The following PRKG1 variants were observed in gnomAD, a reference collection of about 807,000 sequenced individuals.
PRKG1 encodes protein kinase cGMP-dependent 1.
A neutral mutation model predicts 88.1 loss-of-function variants in PRKG1; 35 were observed. The observed-to-expected ratio is 0.40, with a 90% CI of 0.30 to 0.53. PRKG1 has a LOEUF of 0.53. Ranked by LOEUF, PRKG1 falls within the 20% of genes least tolerant of loss-of-function variation. The pLI, the probability that PRKG1 is intolerant of heterozygous loss-of-function variation, is 0.59. For synonymous variants in PRKG1, 303 were observed against 292.5 expected (o/e 1.04, Z -0.37); for missense variants, 540 against 839.8 (o/e 0.64, Z 4.41).
At chr10:51,363,411 T>A (rs1842525891) in intron 2 of PRKG1, among the ~76,000 whole-genome samples, 1 of 151,914 alleles carries the variant, frequency 6.6e-6, no homozygotes, top group Non-Finnish European at 1.5e-5. Context: ...AGATTGTGAA[T>A]ATCAGCTGAT....
At chr10:51,707,281 TTGAC>T (rs1841630621) in intron 3 of PRKG1, among the ~76,000 whole-genome samples, 1 of 152,164 alleles carries the variant, frequency 6.6e-6, no homozygotes, top group Admixed American at 6.6e-5. Context: ...TGCCTGAACT[TTGAC>T]TGTGGAGGAT....
At chr10:51,959,919 G>T (rs1275550580) in intron 5 of PRKG1, among the ~76,000 whole-genome samples, 1 of 152,036 alleles carries the variant, frequency 6.6e-6, no homozygotes, top group Non-Finnish European at 1.5e-5. Context: ...TTCACATTAA[G>T]TATAAACAGA....
At chr10:51,899,671 G>GTGTATATATATA (rs1554853515) in intron 4 of PRKG1, among the ~76,000 whole-genome samples, 1 of 120,408 alleles carries the variant, frequency 8.3e-6, no homozygotes, top group African/African-American at 3.0e-5. Context: ...AAAGAAAAAT[G>GTGTATATATATA]TATATATATA....
At chr10:51,032,978 G>A (rs2132748328) in intron 1 of PRKG1, among the ~76,000 whole-genome samples, 1 of 151,932 alleles carries the variant, frequency 6.6e-6, no homozygotes, top group African/African-American at 2.4e-5. Context: ...CATTCTCTAT[G>A]CCGACGTATC....
intron 9 of PRKG1, among the ~76,000 whole-genome samples, chr10:52,233,915 C>T (rs1480936403): frequency 2.2e-4 from 33 of 151,734 alleles, no homozygotes; most frequent in Admixed American, 5.9e-4. Flanking sequence ...AATGTCCCTG[C>T]CTGACAGCTT....
At chr10:52,012,071 T>C (rs1191097847) in intron 5 of PRKG1, among the ~76,000 whole-genome samples, 2 of 152,152 alleles carry the variant, frequency 1.3e-5, no homozygotes, top group Non-Finnish European at 2.9e-5. Context: ...GCATGAAAAT[T>C]GACTAATACA....
chr10:51,116,841 A>G (rs1275483449), intron 1 of PRKG1, among the ~76,000 whole-genome samples: 2 of 152,300 alleles, frequency 1.3e-5, no homozygotes, highest in East Asian at 3.9e-4. Flanking sequence ...AGAAGATGGC[A>G]TTGCTATCAG....
chr10:51,044,683 T>C (rs1017280262), intron 1 of PRKG1, among the ~76,000 whole-genome samples: 2 of 151,956 alleles, frequency 1.3e-5, no homozygotes, highest in Non-Finnish European at 2.9e-5. Context: ...GTGCCTTGGG[T>C]CCATCACAGA....
chr10:51,078,330 C>T (rs1589136194), intron 1 of PRKG1, among the ~76,000 whole-genome samples: 2 of 151,504 alleles, frequency 1.3e-5, no homozygotes, highest in South Asian at 4.2e-4. Flanking sequence ...GCAACTCTCC[C>T]ATCGCAGCCT....
intron 1 of PRKG1, among the ~76,000 whole-genome samples, chr10:51,037,932 A>G (rs567810968): frequency 3.0e-4 from 45 of 152,336 alleles, no homozygotes; most frequent in African/African-American, 9.4e-4. Flanking sequence ...TATTTTAATT[A>G]GAAATGTATG....
chr10:52,212,416 G>A (rs1840001999), intron 9 of PRKG1, among the ~76,000 whole-genome samples: 1 of 152,082 alleles, frequency 6.6e-6, no homozygotes. Context: ...TTTAACACTG[G>A]TAATTCACTT....
chr10:51,034,671 TA>T (rs1564576933), intron 1 of PRKG1, among the ~76,000 whole-genome samples: 2,183 of 44,398 alleles, frequency 0.049, 90 homozygotes, highest in Non-Finnish European at 0.071. Flanking sequence ...ATGTTATTTA[TA>T]TATATATATA....
At chr10:51,888,958 G>T (rs924799753) in intron 4 of PRKG1, among the ~76,000 whole-genome samples, 1 of 151,978 alleles carries the variant, frequency 6.6e-6, no homozygotes, top group African/African-American at 2.4e-5. Flanking sequence ...ACGTGACTGG[G>T]ACTTAAATAA....
chr10:51,801,480 T>C (rs1839172339), intron 3 of PRKG1, among the ~76,000 whole-genome samples: 1 of 152,178 alleles, frequency 6.6e-6, no homozygotes, highest in Non-Finnish European at 1.5e-5. Flanking sequence ...CACAAGTTTC[T>C]TGAGGGCAGG....
intron 3 of PRKG1, among the ~76,000 whole-genome samples, chr10:51,497,674 A>T (rs1471423909): frequency 2.6e-5 from 4 of 152,300 alleles, no homozygotes; most frequent in African/African-American, 9.6e-5. Context: ...AATAGATTAG[A>T]GATCAGGTAG....
chr10:51,113,740 A>AC (rs1218717090), intron 1 of PRKG1, among the ~76,000 whole-genome samples: 21 of 128,038 alleles, frequency 1.6e-4, no homozygotes, highest in South Asian at 6.2e-4. Context: ...AAAAAAAAAA[A>AC]AAAAAAAAAC....
intron 1 of PRKG1, among the ~76,000 whole-genome samples, chr10:51,097,743 T>A (rs1314054533): frequency 6.6e-6 from 1 of 152,166 alleles, no homozygotes; most frequent in African/African-American, 2.4e-5. Context: ...ACCCTCCTGA[T>A]AGACATAGAA....
intron 2 of PRKG1, among the ~76,000 whole-genome samples, chr10:51,393,119 G>A (rs1207203974): frequency 2.3e-4 from 32 of 139,392 alleles, no homozygotes; most frequent in African/African-American, 2.8e-4. Flanking sequence ...GTTGCCGGGC[G>A]GAGGGTCTCC....
intron 3 of PRKG1, among the ~76,000 whole-genome samples, chr10:51,491,748 AG>A (rs1416133874): frequency 6.6e-6 from 1 of 152,170 alleles, no homozygotes; most frequent in Non-Finnish European, 1.5e-5. Flanking sequence ...AGGAGGCATC[AG>A]ATTAACTGCA....
Sources: allele counts gnomAD v4.1 joint callset (sites outside exome capture counted in the v4.1 genomes callset), GRCh38; gene constraint gnomAD v4.1.1; transcripts MANE v1.5; gene names NCBI Gene and HGNC (gene_info 2026-07-23, HGNC 2026-07-21).